PROS1: variants seen among roughly 807,000 people sequenced by gnomAD.
The protein encoded by PROS1 is protein S, also known as vitamin K-dependent protein S.
A neutral mutation model predicts 75.9 loss-of-function variants in PROS1; 29 were observed. The ratio of observed to expected loss-of-function variants is 0.38; its 90% CI spans 0.28 to 0.52. The LOEUF is 0.52. Among genes scored for constraint, PROS1 ranks in the 20% least tolerant of loss-of-function variants. The pLI, the probability that PROS1 is intolerant of heterozygous loss-of-function variation, is 0.83. For synonymous variants in PROS1, 245 were observed against 280.6 expected (o/e 0.87, Z 1.27); for missense variants, 680 against 810.3 (o/e 0.84, Z 1.95).
chr3:93,941,435 C>T lies in PROS1; in HGVS notation c.77-14028G>A, dbSNP rs149288021. Reference sequence around the variant, plus strand: ...CCCAACCCCTTCTACAAAACAACAGCTCCTTTCCTTCCTGGGCATGATTGG... The same window carrying T: ...CCCAACCCCTTCTACAAAACAACAGTTCCTTTCCTTCCTGGGCATGATTGG... On this transcript the variant is annotated intron_variant, in intron 1 of 14. Transcript: ENST00000394236. 2.0e-3 allele frequency among the ~76,000 whole-genome samples: 308 copies of T among 152,300 alleles called. 3 individuals are homozygous for T. Among genetic ancestry groups the T allele is most frequent in the African/African-American group, 7.0e-3 (293 of 41,568 alleles).
intron 1 of PROS1, among the ~76,000 whole-genome samples, chr3:93,969,888 G>T (rs991518765): frequency 6.6e-6 from 1 of 152,070 alleles, no homozygotes; most frequent in South Asian, 2.1e-4. Context: ...TATATAGATC[G>T]CTCAAGCTGC....
chr3:93,899,161 T>A lies in PROS1; in HGVS notation c.728-592A>T, dbSNP rs570370606. On this transcript the variant is annotated intron_variant, in intron 7 of 14. Transcript: ENST00000394236. ...AGGGAAATATCTGTTTTTTTTTTTT[T>A]AAAAAACCTCACTGTGATGTAATCT... Among the ~76,000 whole-genome samples the A allele has an allele frequency of 7.9e-3, 1,200 of 151,072 alleles. 7 individuals carry two copies. Among genetic ancestry groups the A allele is most frequent in the African/African-American group, 0.017 (718 of 41,152 alleles).
rs765320453 is a variant in PROS1 at position 93,900,884 on chromosome 3, A to G, written c.647T>C (p.Val216Ala). ...SLKPSICGTA[V>A]CKNIPGDFEC... ...AAAATCTCCTGGGATGTTCTTGCAC[A>G]CAGCTGTGCCACAAATGCTTGGCTT... The change falls in exon 7 of 15, where the codon GTG (valine) becomes GCG (alanine). Residue 216 changes from valine (V) to alanine (A), a missense_variant. Transcript: ENST00000394236. 5 of 1,613,908 alleles carry G rather than the reference A, an allele frequency of 3.1e-6. No individual in the cohort carries two copies. The East Asian group carries it at 1.1e-4, about 36-fold the overall frequency.
intron 1 of PROS1, among the ~76,000 whole-genome samples, chr3:93,965,384 T>C (rs1404980361): frequency 6.6e-6 from 1 of 152,192 alleles, no homozygotes. Flanking sequence ...TTGCCGCTCC[T>C]GATCTGGCTA....
intron 1 of PROS1, among the ~76,000 whole-genome samples, chr3:93,935,955 TA>T (rs1170480529): frequency 0.014 from 1,708 of 123,354 alleles, 16 homozygotes; most frequent in Non-Finnish European, 0.021. Flanking sequence ...AAGTCCACAT[TA>T]AAAAAAAAAA....
At chr3:93,909,059 A>G (rs1228572483) in intron 4 of PROS1, among the ~76,000 whole-genome samples, 5 of 152,344 alleles carry the variant, frequency 3.3e-5, no homozygotes, top group East Asian at 3.9e-4. Context: ...AAAACACTAA[A>G]CAAAAGAAAG....
intron 2 of PROS1, among the ~76,000 whole-genome samples, chr3:93,926,943 C>A (rs543480807): frequency 3.3e-5 from 5 of 151,674 alleles, no homozygotes; most frequent in Non-Finnish European, 7.4e-5. Context: ...TCCCCTCCCC[C>A]TAACACTATC....
At chr3:93,877,252 G>T in intron 13 of PROS1, 61 bp from the exon 14 acceptor site, 2 of 1,320,436 alleles carry the variant, frequency 1.5e-6, no homozygotes, top group Non-Finnish European at 2.2e-6. Flanking sequence ...GCTTAAGAGT[G>T]ACTTTTGAGT....
chr3:93,946,385 A>T (rs925097070), intron 1 of PROS1, among the ~76,000 whole-genome samples: 1 of 152,250 alleles, frequency 6.6e-6, no homozygotes, highest in East Asian at 1.9e-4. Flanking sequence ...TAGAGGCATC[A>T]TGCTACATGA....
At chr3:93,969,096 GTTTT>G (rs201287613) in intron 1 of PROS1, among the ~76,000 whole-genome samples, 1 of 123,562 alleles carries the variant, frequency 8.1e-6, no homozygotes, top group African/African-American at 3.0e-5. Flanking sequence ...TCCCTTGCCT[GTTTT>G]TTTTGTTTTT....
intron 1 of PROS1, among the ~76,000 whole-genome samples, chr3:93,954,867 A>T (rs1255204099): frequency 6.6e-6 from 1 of 152,256 alleles, no homozygotes; most frequent in African/African-American, 2.4e-5. Context: ...AAAGAACTTC[A>T]ACAAATTTAC....
intron 13 of PROS1, among the ~76,000 whole-genome samples, chr3:93,878,571 G>C (rs946971056): frequency 6.6e-6 from 1 of 152,150 alleles, no homozygotes; most frequent in Non-Finnish European, 1.5e-5. Context: ...GAATAATACA[G>C]ATTTTCTGAT....
intron 13 of PROS1, among the ~76,000 whole-genome samples, chr3:93,878,556 A>G (rs1218698841): frequency 6.6e-6 from 1 of 152,210 alleles, no homozygotes; most frequent in Non-Finnish European, 1.5e-5. Context: ...CTCTAATAGA[A>G]GTCTGAATAA....
chr3:93,932,509 CT>C (rs1193620215), intron 1 of PROS1, among the ~76,000 whole-genome samples: 1 of 152,156 alleles, frequency 6.6e-6, no homozygotes, highest in Non-Finnish European at 1.5e-5. Flanking sequence ...GTTTATGAGT[CT>C]TTCAAGATAA....
chr3:93,887,773 C>T (rs1333949534), intron 10 of PROS1, among the ~76,000 whole-genome samples: 1 of 152,138 alleles, frequency 6.6e-6, no homozygotes, highest in African/African-American at 2.4e-5. Context: ...CTCCCCTCCC[C>T]ACAGCTCAGG....
chr3:93,943,002 C>G (rs900148342), intron 1 of PROS1, among the ~76,000 whole-genome samples: 1 of 152,264 alleles, frequency 6.6e-6, no homozygotes. Flanking sequence ...CCCTCAGGGT[C>G]TGAGAAGTCC....
chr3:93,948,009 T>G (rs1709433180), intron 1 of PROS1, among the ~76,000 whole-genome samples: 1 of 152,148 alleles, frequency 6.6e-6, no homozygotes, highest in South Asian at 2.1e-4. Context: ...ATTTTCTGAA[T>G]TAAGAGAAAG....
chr3:93,928,671 A>G (rs2107205887), intron 1 of PROS1: 6 of 924,016 alleles, frequency 6.5e-6, no homozygotes, highest in African/African-American at 3.5e-5. Flanking sequence ...AAAGTTCAAT[A>G]TCAAGCAACA....
chr3:93,914,041 G>T (rs1206765163), intron 3 of PROS1, among the ~76,000 whole-genome samples: 1 of 152,242 alleles, frequency 6.6e-6, no homozygotes, highest in African/African-American at 2.4e-5. Flanking sequence ...CAGGGGTAGG[G>T]GCTGAGCCCT....
Sources: allele counts gnomAD v4.1 joint callset (sites outside exome capture counted in the v4.1 genomes callset), GRCh38; gene constraint gnomAD v4.1.1; transcripts MANE v1.5; gene names NCBI Gene and HGNC (gene_info 2026-07-23, HGNC 2026-07-21).